MSN: variants seen among roughly 807,000 people sequenced by gnomAD.
MSN encodes moesin.
In MSN, 2 loss-of-function variants were observed where a neutral mutation model predicts 48.0. That is an observed-to-expected ratio of 0.04 (90% CI 0.02 to 0.13). The LOEUF (loss-of-function observed/expected upper bound fraction) is 0.13, where lower values mean the gene tolerates loss of function less well. Ranked by LOEUF, MSN falls within the 10% of genes least tolerant of loss-of-function variation. The pLI, the probability that MSN is intolerant of heterozygous loss-of-function variation, is 1.00. For synonymous variants in MSN, 146 were observed against 166.9 expected, an observed-to-expected ratio of 0.87 and a Z score of 0.97; for missense variants, 267 against 470.1, an observed-to-expected ratio of 0.57 and a Z score of 3.99.
intron 2 of MSN, among the ~76,000 whole-genome samples, chrX:65,725,085 C>T (rs1013018815): frequency 8.9e-6 from 1 of 112,418 alleles, no homozygotes; most frequent in Non-Finnish European, 1.9e-5. Context: ...AGTCCAAGAG[C>T]ATGGCACCAG....
intron 1 of MSN, among the ~76,000 whole-genome samples, chrX:65,608,317 A>AGAG (rs2148353519): frequency 9.0e-6 from 1 of 111,511 alleles, no homozygotes; most frequent in South Asian, 3.7e-4. Flanking sequence ...CTCTGTACCC[A>AGAG]GTTTTGTTGC....
chrX:65,614,844 T>A (rs1285123201), intron 1 of MSN, among the ~76,000 whole-genome samples: 2 of 59,903 alleles, frequency 3.3e-5, no homozygotes, highest in Non-Finnish European at 5.9e-5. Flanking sequence ...CCCGATGCTA[T>A]CCCTCCCCCC....
At chrX:65,738,695 T>C (rs901504972) in intron 11 of MSN, 78 bp downstream of exon 11, 102 of 970,327 alleles carry the variant, frequency 1.1e-4, no homozygotes, top group Non-Finnish European at 5.0e-5. Context: ...AGATTCCTTA[T>C]GTTTTGGCTC....
chrX:65,628,203 GTGGGGGCTCCAGCCCCACATTT>G (rs2070524036), intron 1 of MSN, among the ~76,000 whole-genome samples: 1 of 112,976 alleles, frequency 8.9e-6, no homozygotes, highest in African/African-American at 3.2e-5. Context: ...GGGACTCTGT[GTGGGGGCTCCAGCCCCACATTT>G]CCATTCTGCA....
chrX:65,601,778 C>T (rs920054637), intron 1 of MSN, among the ~76,000 whole-genome samples: 1 of 112,806 alleles, frequency 8.9e-6, no homozygotes, highest in African/African-American at 3.2e-5. Flanking sequence ...TACATTGGCT[C>T]TCAGAGCTCA....
In MSN at chrX:65,739,001, C is replaced by T. The variant is rs764984537; in HGVS notation, c.1376C>T (p.Thr459Ile). Residue 459 changes from threonine (T) to isoleucine (I), a missense_variant, in exon 12 of 13, where the codon ACC becomes ATC. By Grantham distance (89) the Thr-to-Ile change is moderately conservative. This residue lies in a region of MSN where 48 missense variants were observed against 115.5 expected (regional missense o/e 0.42). Transcript: ENST00000360270. ...ATGGTACAGGAAGACTTGGAGAAGA[C>T]CCGTGCTGAGCTGAAGACTGCCATG... The part of the protein sequence containing the change: ...AQMVQEDLEK[T>I]RAELKTAMST... 8.3e-7 allele frequency: 1 copy of T among 1,211,615 alleles called. No homozygotes were observed. Among genetic ancestry groups the T allele is most frequent in the South Asian group, 1.8e-5 (1 of 56,945 alleles).
intron 1 of MSN, among the ~76,000 whole-genome samples, chrX:65,680,222 G>C (rs190921305): frequency 1.8e-5 from 2 of 111,748 alleles, no homozygotes; most frequent in Admixed American, 1.9e-4. Context: ...TTAGCAAATA[G>C]AGAGAGAAAT....
chrX:65,591,181 G>A (rs975917842), intron 1 of MSN, among the ~76,000 whole-genome samples: 3 of 111,682 alleles, frequency 2.7e-5, no homozygotes, highest in African/African-American at 9.8e-5. Flanking sequence ...AAAGAGGTGT[G>A]TGCCTTTCTC....
chrX:65,699,324 A>T (rs1477712570), intron 1 of MSN, among the ~76,000 whole-genome samples: 1 of 111,692 alleles, frequency 9.0e-6, no homozygotes, highest in African/African-American at 3.3e-5. Context: ...CGAGCTAAAG[A>T]TGTGGCTCCT....
intron 1 of MSN, among the ~76,000 whole-genome samples, chrX:65,619,776 G>A (rs1317034768): frequency 9.1e-6 from 1 of 109,400 alleles, no homozygotes; most frequent in Non-Finnish European, 1.9e-5. Flanking sequence ...TGGAGGAGGA[G>A]AGGTGCTCTG....
chrX:65,593,885 T>C (rs1035173354), intron 1 of MSN, among the ~76,000 whole-genome samples: 2 of 112,500 alleles, frequency 1.8e-5, no homozygotes, highest in South Asian at 3.7e-4. Context: ...GTTATCTTCA[T>C]TGAGTCTGTT....
At chrX:65,724,137 C>G (rs1435535302) in intron 2 of MSN, among the ~76,000 whole-genome samples, 2 of 107,163 alleles carry the variant, frequency 1.9e-5, no homozygotes, top group Non-Finnish European at 3.8e-5. Context: ...ATCCTTCTCT[C>G]TCTCTCTCTC....
At chrX:65,726,898 T>G (rs747063618) in intron 2 of MSN, among the ~76,000 whole-genome samples, 2 of 111,435 alleles carry the variant, frequency 1.8e-5, no homozygotes, top group Non-Finnish European at 3.8e-5. Flanking sequence ...GGCCAGACTA[T>G]TAACATGCTA....
At chrX:65,615,532 G>A (rs1334389389) in intron 1 of MSN, among the ~76,000 whole-genome samples, 25 of 107,914 alleles carry the variant, frequency 2.3e-4, no homozygotes, top group Non-Finnish European at 3.1e-4. Flanking sequence ...CATGTCCTTC[G>A]CCCACTTTTT....
upstream of MSN, among the ~76,000 whole-genome samples, chrX:65,663,928 C>T (rs930812493): frequency 1.4e-4 from 15 of 108,893 alleles, no homozygotes; most frequent in Non-Finnish European, 1.1e-4. Flanking sequence ...GGCATGGTGG[C>T]GGGTGCCTAT....
chrX:65,678,451 C>T (rs761989988), intron 1 of MSN, among the ~76,000 whole-genome samples: 33 of 111,529 alleles, frequency 3.0e-4, no homozygotes, highest in Non-Finnish European at 6.2e-4. Flanking sequence ...GGAGTGGTCT[C>T]GATTGGCCTA....
chrX:65,614,099 T>C (rs906851959), intron 1 of MSN, among the ~76,000 whole-genome samples: 1 of 112,105 alleles, frequency 8.9e-6, no homozygotes, highest in African/African-American at 3.2e-5. Context: ...GGCTAGCCAG[T>C]TTTCCCAACA....
intron 1 of MSN, among the ~76,000 whole-genome samples, chrX:65,700,836 A>G (rs1176671397): frequency 1.8e-5 from 2 of 111,725 alleles, no homozygotes; most frequent in Non-Finnish European, 3.8e-5. Flanking sequence ...GCCAATTCCC[A>G]TGGTATAAAT....
intron 1 of MSN, chrX:65,625,550 G>A (rs1289658515): frequency 8.9e-6 from 1 of 112,000 alleles, no homozygotes; most frequent in African/African-American, 3.2e-5. Context: ...TCTTGTAACA[G>A]TTTGTTTTGT....
Sources: allele counts gnomAD v4.1 joint callset (sites outside exome capture counted in the v4.1 genomes callset), GRCh38; gene constraint gnomAD v4.1.1; regional missense constraint gnomAD v4.1.1; transcripts MANE v1.5; gene names NCBI Gene and HGNC (gene_info 2026-07-23, HGNC 2026-07-21).